The following AOPEP variants were observed in gnomAD, a reference collection of about 807,000 sequenced individuals.
The protein encoded by AOPEP is aminopeptidase O.
Under a neutral mutation model 98.1 loss-of-function variants are expected in AOPEP, and 77 were observed. That is an observed-to-expected ratio of 0.78 (90% confidence interval 0.65 to 0.95). The LOEUF is 0.95. AOPEP is among the 40% of genes least tolerant of loss of function. The pLI, the probability that AOPEP is intolerant of heterozygous loss-of-function variation, is 0.00. For synonymous variants in AOPEP, 346 were observed against 365.3 expected (o/e 0.95, Z 0.60); for missense variants, 1,024 against 1,024.7 (o/e 1.00, Z 0.01).
chr9:95,112,057 A>G, the AOPEP span, among the ~76,000 whole-genome samples: 3 of 152,356 alleles, frequency 2.0e-5, no homozygotes, highest in Admixed American at 6.5e-5. Flanking sequence ...GACAAGACGC[A>G]AAGTTCAGGT....
chr9:94,779,399 C>G (rs1216419696), intron 3 of AOPEP, among the ~76,000 whole-genome samples: 1 of 152,166 alleles, frequency 6.6e-6, no homozygotes, highest in Non-Finnish European at 1.5e-5. Flanking sequence ...ATGGTTTGGC[C>G]CTGCAGTAAA....
chr9:94,927,523 A>G (rs1174574566), intron 6 of AOPEP, among the ~76,000 whole-genome samples: 1 of 151,684 alleles, frequency 6.6e-6, no homozygotes, highest in Non-Finnish European at 1.5e-5. Context: ...TCTTCCCGAA[A>G]TCCCTCCTCC....
At chr9:95,111,540 G>C in the AOPEP span, 30 of 1,614,128 alleles carry the variant, frequency 1.9e-5, no homozygotes, top group Non-Finnish European at 2.5e-5. Flanking sequence ...GCCGTGGGGG[G>C]TTCGGCTGCC....
At chr9:94,754,469 A>G (rs569601108) in intron 1 of AOPEP, among the ~76,000 whole-genome samples, 1 of 152,334 alleles carries the variant, frequency 6.6e-6, no homozygotes, top group African/African-American at 2.4e-5. Flanking sequence ...TTACAAGTAA[A>G]AAGATGAGGC....
At chr9:94,733,670 C>T (rs1831085515) in intron 1 of AOPEP, among the ~76,000 whole-genome samples, 1 of 152,144 alleles carries the variant, frequency 6.6e-6, no homozygotes, top group South Asian at 2.1e-4. Context: ...CTTCCTAATT[C>T]ATTTCAATAT....
Position 94,929,192 on chromosome 9 carries a change from A to G in AOPEP, c.1661+661A>G, listed in dbSNP as rs533382680. ...TGCTATGGCAACAGGAGGTTCCATC[A>G]CCTCCCCTCCTCTTCCACTAGAGTC... On this transcript the variant is annotated intron_variant, in intron 7 of 16. Transcript: ENST00000375315. 1.1e-4 allele frequency among the ~76,000 whole-genome samples: 16 copies of G among 151,824 alleles called. No individual in the cohort carries two copies. The South Asian group carries it at 3.1e-3, about 30-fold the overall frequency.
chr9:94,880,650 C>G (rs1199268350), intron 5 of AOPEP, among the ~76,000 whole-genome samples: 1 of 152,216 alleles, frequency 6.6e-6, no homozygotes. Context: ...GCCATCGCAC[C>G]TGGTCCCATT....
chr9:94,787,991 A>T (rs1017754164), intron 3 of AOPEP, among the ~76,000 whole-genome samples: 50 of 152,160 alleles, frequency 3.3e-4, no homozygotes, highest in African/African-American at 1.2e-3. Context: ...AAACTCCATC[A>T]TACACAAGCC....
intron 11 of AOPEP, among the ~76,000 whole-genome samples, chr9:94,998,067 T>C (rs2061348401): frequency 6.6e-6 from 1 of 152,078 alleles, no homozygotes; most frequent in African/African-American, 2.4e-5. Context: ...GTAACAGGCA[T>C]TGAAGGGAAT....
the AOPEP span, chr9:95,123,456 A>C: frequency 8.7e-6 from 4 of 461,104 alleles, no homozygotes; most frequent in African/African-American, 8.0e-5. Context: ...CCCGGGCAAC[A>C]TGGTGAAACC....
intron 11 of AOPEP, 103 bp from the exon 12 acceptor site, chr9:95,005,055 C>A: frequency 4.4e-6 from 2 of 449,780 alleles, no homozygotes; most frequent in Non-Finnish European, 6.0e-6. Context: ...TCCTCCCCGG[C>A]CGCGGGCGAG....
At chr9:94,880,325 A>T (rs1019097805) in intron 5 of AOPEP, among the ~76,000 whole-genome samples, 7 of 151,188 alleles carry the variant, frequency 4.6e-5, no homozygotes, top group Admixed American at 4.6e-4. Context: ...AATTTTTATT[A>T]TGCATATTTG....
At position 94,773,055 on chromosome 9, in the gene AOPEP, G is replaced by T. The variant is rs1190734138; in HGVS notation, c.851G>T (p.Cys284Phe). ...ATAAACAACAGGGCCCTTTTTCCAT[G>T]CCAGGAGCCACCCGTTGCCATGTCA... ...SPINNRALFP[C>F]QEPPVAMSTW... Residue 284 changes from cysteine (C) to phenylalanine (F), a missense_variant, in exon 3 of 17, where the codon TGC becomes TTC. Cys to Phe is a radical substitution (Grantham distance 205, BLOSUM62 -2). This residue lies in a region of AOPEP where 440 missense variants were observed against 433.8 expected (regional missense o/e 1.01). Coordinates refer to ENST00000375315, the MANE Select transcript of AOPEP (RefSeq NM_001193329.3). The T allele has an allele frequency of 6.2e-7, 1 of 1,613,878 alleles. No individual in the cohort carries two copies.
chr9:94,738,816 C>T (rs892555969), intron 1 of AOPEP, among the ~76,000 whole-genome samples: 70 of 152,162 alleles, frequency 4.6e-4, no homozygotes, highest in African/African-American at 1.6e-3. Context: ...CTTCGTGATC[C>T]GCCCGCCTCA....
intron 5 of AOPEP, among the ~76,000 whole-genome samples, chr9:94,865,057 C>A (rs1005710400): frequency 2.0e-5 from 3 of 152,168 alleles, no homozygotes; most frequent in Non-Finnish European, 4.4e-5. Flanking sequence ...CACTAATTTT[C>A]AGCTATTTAA....
At chr9:94,885,204 C>T (rs2048069482) in intron 5 of AOPEP, among the ~76,000 whole-genome samples, 1 of 151,238 alleles carries the variant, frequency 6.6e-6, no homozygotes, top group Admixed American at 6.6e-5. Context: ...CAAAAATTAG[C>T]CAGGCACAGT....
chr9:94,838,032 G>C (rs898981147), intron 5 of AOPEP, among the ~76,000 whole-genome samples: 1 of 151,390 alleles, frequency 6.6e-6, no homozygotes, highest in East Asian at 1.9e-4. Context: ...TTTTTTTGAC[G>C]GAGTCTTGCT....
intron 11 of AOPEP, among the ~76,000 whole-genome samples, chr9:94,983,650 C>G (rs2060332138): frequency 6.6e-6 from 1 of 152,154 alleles, no homozygotes; most frequent in Non-Finnish European, 1.5e-5. Context: ...TCAAAGTCAC[C>G]CTTTTCAACT....
In AOPEP at chr9:94,919,933, A is replaced by G. The variant is rs148038446; in HGVS notation, c.1365-4053A>G. Among the ~76,000 whole-genome samples, 692 of 152,324 alleles carry G rather than the reference A, an allele frequency of 4.5e-3. 3 individuals are homozygous for G. Among genetic ancestry groups the G allele is most frequent in the Non-Finnish European group, 6.7e-3 (455 of 68,034 alleles). On this transcript the variant is annotated intron_variant, in intron 5 of 16. Coordinates refer to ENST00000375315, the MANE Select transcript of AOPEP (RefSeq NM_001193329.3). ...TGAAATTGTGAAAAGCGTTGAATCC[A>G]TAAGAAGTACCAGCTTGATAAATGT...
Sources: gnomAD v4.1 joint callset for allele counts (sites outside exome capture counted in the v4.1 genomes callset) on GRCh38, gnomAD v4.1.1 for gene constraint, gnomAD v4.1.1 regional missense constraint, MANE v1.5 for transcripts, NCBI Gene and HGNC (gene_info 2026-07-23, HGNC 2026-07-21) for gene names.